ADAMTSL3: variants seen among roughly 807,000 people sequenced by gnomAD.
The protein encoded by ADAMTSL3 is ADAMTS-like protein 3.
In ADAMTSL3, 128 loss-of-function variants were observed where a neutral mutation model predicts 201.7. That is an observed-to-expected ratio of 0.63 (90% CI 0.55 to 0.73). The LOEUF is 0.73. Among genes scored for constraint, ADAMTSL3 ranks in the 30% least tolerant of loss-of-function variants. The pLI, the probability that ADAMTSL3 is intolerant of heterozygous loss-of-function variation, is 0.00. For missense variants in ADAMTSL3, 1,990 were observed against 2,119.6 expected (o/e 0.94, Z 1.20); for synonymous variants, 738 against 748.4 (o/e 0.99, Z 0.23).
chr15:83,691,212 C>T (rs1484673640), intron 2 of ADAMTSL3, among the ~76,000 whole-genome samples: 1 of 152,044 alleles, frequency 6.6e-6, no homozygotes, highest in Non-Finnish European at 1.5e-5. Flanking sequence ...AACTTTTTTT[C>T]TAAATTCACA....
rs531395961 is a variant in ADAMTSL3, at chr15:83,787,129, C to T, written c.317+13479C>T. ...ATGCCTTTTGAGTCCTCATTTCTTC[C>T]TTTTGCATTCATTGGCAATTCTCAC... On this transcript the variant is annotated intron_variant, in intron 4 of 29. Transcript: ENST00000286744. Among the ~76,000 whole-genome samples the T allele has an allele frequency of 3.3e-5, 5 of 152,236 alleles. No individual in the cohort carries two copies. In the East Asian group the frequency reaches 9.6e-4, roughly 29 times the overall value.
At chr15:83,806,795 G>A (rs1274474519) in intron 5 of ADAMTSL3, among the ~76,000 whole-genome samples, 1 of 152,182 alleles carries the variant, frequency 6.6e-6, no homozygotes, top group Non-Finnish European at 1.5e-5. Context: ...GGAGGTTGCA[G>A]TGAGCTGAGA....
chr15:83,840,642 T>C (rs184618007), intron 7 of ADAMTSL3, among the ~76,000 whole-genome samples: 1 of 152,202 alleles, frequency 6.6e-6, no homozygotes, highest in Admixed American at 6.5e-5. Context: ...GAAGGAACCA[T>C]CAACAACAGT....
chr15:83,676,170 G>A (rs768411263), intron 2 of ADAMTSL3, among the ~76,000 whole-genome samples: 9 of 150,186 alleles, frequency 6.0e-5, no homozygotes, highest in Non-Finnish European at 8.9e-5. Flanking sequence ...TTTTCTTGGG[G>A]GTAGGATTAG....
At chr15:83,829,123 C>T (rs2064093980) in intron 6 of ADAMTSL3, among the ~76,000 whole-genome samples, 1 of 152,190 alleles carries the variant, frequency 6.6e-6, no homozygotes, top group African/African-American at 2.4e-5. Context: ...CCTTGTACCT[C>T]TGGAAGAATT....
At chr15:84,006,372 A>G (rs1384343936) in intron 23 of ADAMTSL3, among the ~76,000 whole-genome samples, 1 of 152,248 alleles carries the variant, frequency 6.6e-6, no homozygotes, top group East Asian at 1.9e-4. Flanking sequence ...TGAGAAAAAA[A>G]TATAGGTATA....
intron 9 of ADAMTSL3, among the ~76,000 whole-genome samples, chr15:83,884,852 A>G (rs2065355464): frequency 6.6e-6 from 1 of 152,160 alleles, no homozygotes; most frequent in Non-Finnish European, 1.5e-5. Flanking sequence ...TTGTGAATCC[A>G]TTCACAGGCA....
At chr15:83,663,165 T>C (rs752932393) in intron 2 of ADAMTSL3, among the ~76,000 whole-genome samples, 3 of 152,170 alleles carry the variant, frequency 2.0e-5, no homozygotes, top group Non-Finnish European at 4.4e-5. Flanking sequence ...CAATGCTGCC[T>C]CCTCTCTCTG....
At position 83,988,895 on chromosome 15, in the gene ADAMTSL3, T is replaced by A. The variant is rs148124765; in HGVS notation, c.3844+77T>A. ...TATTTATTTATTTATTTATTTTTTT[T>A]TTTTGAGACAGAGTCTCGCTCTGTC... On this transcript the variant is annotated intron_variant, in intron 22 of 29. Coordinates refer to ENST00000286744, the MANE Select transcript of ADAMTSL3 (RefSeq NM_207517.3). 22,033 of 936,056 alleles carry A rather than the reference T, an allele frequency of 0.024. 2,568 individuals are homozygous for A. In the African/African-American group the frequency reaches 0.28, roughly 12 times the overall value. 58.0% of individuals were successfully genotyped at this position (936,056 alleles called of 1,614,324 possible). A position where few individuals can be genotyped will look rare whatever the true frequency, so the allele number is the denominator to read the frequency against.
intron 6 of ADAMTSL3, among the ~76,000 whole-genome samples, chr15:83,827,524 C>T (rs765935996): frequency 2.0e-5 from 3 of 152,158 alleles, no homozygotes; most frequent in African/African-American, 7.2e-5. Context: ...AGTTAGATCC[C>T]ATTTGTCAAG....
intron 7 of ADAMTSL3, among the ~76,000 whole-genome samples, chr15:83,839,914 A>G (rs930090397): frequency 6.6e-6 from 1 of 152,172 alleles, no homozygotes; most frequent in East Asian, 1.9e-4. Flanking sequence ...TAAGTATCCA[A>G]TGTCTAAGTA....
intron 19 of ADAMTSL3, among the ~76,000 whole-genome samples, chr15:83,965,202 G>GC (rs1435403454): frequency 1.3e-5 from 2 of 152,028 alleles, no homozygotes; most frequent in East Asian, 3.9e-4. Context: ...TGGGCTAAAT[G>GC]CCCCAATTAA....
At position 83,818,191 on chromosome 15, in the gene ADAMTSL3, T is replaced by C. The variant is rs2063798615; in HGVS notation, c.364-1620T>C. On this transcript the variant is annotated intron_variant, in intron 5 of 29. Transcript: ENST00000286744. ...AAGTCCTTGGTAAATAATCAAGATTTGTGTGAAGATTTAGATACAAAGATC... is the reference window on the plus strand; with the variant it reads ...AAGTCCTTGGTAAATAATCAAGATTCGTGTGAAGATTTAGATACAAAGATC... Among the ~76,000 whole-genome samples the C allele has an allele frequency of 2.0e-5, 3 of 152,178 alleles. No individual in the cohort carries two copies. In the South Asian group the frequency reaches 6.2e-4, roughly 31 times the overall value.
intron 20 of ADAMTSL3, among the ~76,000 whole-genome samples, chr15:83,977,393 G>T (rs2067306202): frequency 6.6e-6 from 1 of 152,170 alleles, no homozygotes; most frequent in Admixed American, 6.5e-5. Flanking sequence ...GTAAGAAGTG[G>T]ATAATTAGGT....
chr15:83,831,459 A>T (rs1035883536), intron 6 of ADAMTSL3, among the ~76,000 whole-genome samples: 1 of 152,222 alleles, frequency 6.6e-6, no homozygotes, highest in East Asian at 1.9e-4. Context: ...CTTCAAGATC[A>T]GAGATACTTG....
intron 5 of ADAMTSL3, among the ~76,000 whole-genome samples, chr15:83,805,173 A>T (rs2063582656): frequency 6.6e-6 from 1 of 152,220 alleles, no homozygotes; most frequent in Non-Finnish European, 1.5e-5. Flanking sequence ...TAGGTGACCC[A>T]TCAGCAAATC....
rs745414432 is a variant in ADAMTSL3, at chr15:83,897,960, A to G, written c.1570A>G (p.Ile524Val). 6 of 1,613,922 alleles carry G rather than the reference A, an allele frequency of 3.7e-6. No homozygotes were observed. The highest frequency in any genetic ancestry group is 1.1e-5 in the South Asian group (1 of 91,052). ...GGCNPQLKLH[I>V]KEECVIPIPC... Reference sequence around the variant, plus strand: ...CTGCAATCCACAACTGAAGTTACACATCAAAGAAGAATGTGTCATTCCCAT... The same window carrying G: ...CTGCAATCCACAACTGAAGTTACACGTCAAAGAAGAATGTGTCATTCCCAT... The change falls in exon 14 of 30, where the codon ATC becomes GTC. Residue 524 changes from isoleucine to valine, a missense_variant. By Grantham distance (29) the Ile-to-Val change is conservative. Coordinates refer to ENST00000286744, the MANE Select transcript of ADAMTSL3 (RefSeq NM_207517.3).
intron 19 of ADAMTSL3, among the ~76,000 whole-genome samples, chr15:83,952,015 C>G (rs1448681356): frequency 6.6e-6 from 1 of 151,942 alleles, no homozygotes; most frequent in Admixed American, 6.6e-5. Context: ...GGTTGTTTTG[C>G]TCTTGATTTT....
At chr15:83,857,240 G>A (rs923025272) in intron 7 of ADAMTSL3, among the ~76,000 whole-genome samples, 2 of 151,994 alleles carry the variant, frequency 1.3e-5, no homozygotes, top group Admixed American at 1.3e-4. Flanking sequence ...GATGTGATTT[G>A]CAAATGTTTT....
Sources: allele counts gnomAD v4.1 joint callset (sites outside exome capture counted in the v4.1 genomes callset), GRCh38; gene constraint gnomAD v4.1.1; transcripts MANE v1.5; gene names NCBI Gene and HGNC (gene_info 2026-07-23, HGNC 2026-07-21).